The following CNTN3 variants were observed in gnomAD, a reference collection of about 807,000 sequenced individuals.
The protein encoded by CNTN3 is contactin 3, also known as contactin-3.
A neutral mutation model predicts 119.1 loss-of-function variants in CNTN3; 60 were observed. The observed-to-expected ratio is 0.50, with a 90% CI of 0.41 to 0.62. The LOEUF (loss-of-function observed/expected upper bound fraction) is 0.62. Among genes scored for constraint, CNTN3 ranks in the 20% least tolerant of loss-of-function variants. The pLI is 0.00. For synonymous variants in CNTN3, 450 were observed against 438.7 expected, an observed-to-expected ratio of 1.03 and a Z score of -0.32; for missense variants, 1,101 against 1,242.4, an observed-to-expected ratio of 0.89 and a Z score of 1.71.
chr3:74,582,888 G>T (rs1704537151), intron 1 of CNTN3, among the ~76,000 whole-genome samples: 1 of 151,734 alleles, frequency 6.6e-6, no homozygotes, highest in Admixed American at 6.6e-5. Context: ...CAAATGACCT[G>T]AACACAAATG....
intron 4 of CNTN3, among the ~76,000 whole-genome samples, chr3:74,463,920 A>G (rs1702415729): frequency 6.6e-6 from 1 of 152,166 alleles, no homozygotes; most frequent in Admixed American, 6.6e-5. Flanking sequence ...GAGCATATGT[A>G]TCTGTTTTTA....
chr3:74,509,337 G>A (rs2107100247), intron 2 of CNTN3, among the ~76,000 whole-genome samples: 1 of 142,612 alleles, frequency 7.0e-6, no homozygotes, highest in East Asian at 2.2e-4. Context: ...TTTTTGACAT[G>A]GGGTCTCGCT....
chr3:74,491,987 C>T (rs2107059527), intron 3 of CNTN3, among the ~76,000 whole-genome samples: 1 of 152,256 alleles, frequency 6.6e-6, no homozygotes, highest in African/African-American at 2.4e-5. Context: ...CCCAGCATTT[C>T]AATCATATAA....
intron 4 of CNTN3, among the ~76,000 whole-genome samples, chr3:74,479,157 A>G (rs887091919): frequency 1.3e-5 from 2 of 152,080 alleles, no homozygotes; most frequent in African/African-American, 2.4e-5. Context: ...TGTGTGAAAT[A>G]GGAAACAGAG....
At chr3:74,534,452 A>T (rs1703734476) in intron 1 of CNTN3, among the ~76,000 whole-genome samples, 1 of 152,036 alleles carries the variant, frequency 6.6e-6, no homozygotes, top group Non-Finnish European at 1.5e-5. Flanking sequence ...AATCTTAAAG[A>T]ACTATTTTTA....
intron 5 of CNTN3, among the ~76,000 whole-genome samples, chr3:74,375,581 G>A (rs1054109043): frequency 6.6e-6 from 1 of 152,110 alleles, no homozygotes; most frequent in Admixed American, 6.6e-5. Flanking sequence ...ATAAGAGAGA[G>A]GCAGGAGGGT....
intron 5 of CNTN3, among the ~76,000 whole-genome samples, chr3:74,382,778 A>T (rs1704653815): frequency 6.6e-6 from 1 of 152,356 alleles, no homozygotes; most frequent in Middle Eastern, 3.4e-3. Context: ...ATTGATGGAC[A>T]CTTAGGCTGA....
At chr3:74,461,997 G>A (rs888921932) in intron 4 of CNTN3, among the ~76,000 whole-genome samples, 2 of 152,032 alleles carry the variant, frequency 1.3e-5, no homozygotes, top group African/African-American at 4.8e-5. Flanking sequence ...GGCCTGGTGG[G>A]AGTTGACTAT....
chr3:74,448,991 T>C (rs1702098138), intron 4 of CNTN3, among the ~76,000 whole-genome samples: 1 of 152,054 alleles, frequency 6.6e-6, no homozygotes, highest in Admixed American at 6.6e-5. Context: ...TCAGGACACT[T>C]CCCAGCTGCT....
At chr3:74,343,005 T>C (rs2106728671) in intron 11 of CNTN3, among the ~76,000 whole-genome samples, 1 of 152,232 alleles carries the variant, frequency 6.6e-6, no homozygotes, top group Admixed American at 6.5e-5. Context: ...AAAAGAAAAC[T>C]TCAAAGGGGA....
At chr3:74,434,553 T>A (rs1701835915) in intron 4 of CNTN3, among the ~76,000 whole-genome samples, 1 of 152,148 alleles carries the variant, frequency 6.6e-6, no homozygotes, top group South Asian at 2.1e-4. Context: ...TGGGTTGAAG[T>A]CAAGTCTTTG....
At chr3:74,526,924 G>A (rs1703628585) in intron 1 of CNTN3, among the ~76,000 whole-genome samples, 1 of 151,624 alleles carries the variant, frequency 6.6e-6, no homozygotes, top group Non-Finnish European at 1.5e-5. Flanking sequence ...CATAGGTTAA[G>A]GTCCCTTTTT....
chr3:74,356,661 C>T (rs1419720484), intron 11 of CNTN3, among the ~76,000 whole-genome samples: 2 of 152,008 alleles, frequency 1.3e-5, no homozygotes, highest in Non-Finnish European at 2.9e-5. Context: ...AATGTAAGAG[C>T]CCAGGAATCA....
chr3:74,425,059 T>A, intron 4 of CNTN3, 119 bp from the exon 5 acceptor site: 2 of 642,868 alleles, frequency 3.1e-6, no homozygotes, highest in Non-Finnish European at 5.4e-6. Context: ...TCTTTAAAAA[T>A]TTTTATTTTT....
chr3:74,527,090 A>T (rs1053984119), intron 1 of CNTN3, among the ~76,000 whole-genome samples: 2 of 151,860 alleles, frequency 1.3e-5, no homozygotes, highest in African/African-American at 4.8e-5. Context: ...CTATATAGAT[A>T]TGTGTGTTCA....
chr3:74,602,649 G>A lies in CNTN3; in HGVS notation c.-81+11742C>T, dbSNP rs148335121. Among the ~76,000 whole-genome samples the A allele has an allele frequency of 2.1e-4, 32 of 152,164 alleles. No homozygotes were observed. In the East Asian group the frequency reaches 6.2e-3, roughly 30 times the overall value. ...CATAGTTCTTGTTAAGGGTGTGGATGTAATTTATGTACATGTGACTAAGAG... is the reference window on the plus strand; with the variant it reads ...CATAGTTCTTGTTAAGGGTGTGGATATAATTTATGTACATGTGACTAAGAG... On this transcript the variant is annotated intron_variant, in intron 1 of 22. Transcript: ENST00000263665.
intron 13 of CNTN3, 38 bp downstream of exon 13, chr3:74,334,697 T>C (rs1344803010): frequency 3.2e-6 from 5 of 1,563,048 alleles, no homozygotes; most frequent in Admixed American, 1.7e-5. Context: ...CAGAGACACA[T>C]GCAATATAAA....
chr3:74,474,845 A>T (rs1702626045), intron 4 of CNTN3, among the ~76,000 whole-genome samples: 2 of 152,044 alleles, frequency 1.3e-5, no homozygotes, highest in Admixed American at 6.6e-5. Context: ...ACAGTGAGTG[A>T]GTTTTGCTGA....
intron 5 of CNTN3, among the ~76,000 whole-genome samples, chr3:74,415,175 A>C (rs576860309): frequency 6.6e-6 from 1 of 152,240 alleles, no homozygotes; most frequent in East Asian, 1.9e-4. Flanking sequence ...AGTGAGAAAG[A>C]ATGATTTTCT....
Sources: gnomAD v4.1 joint callset for allele counts (sites outside exome capture counted in the v4.1 genomes callset) on GRCh38, gnomAD v4.1.1 for gene constraint, MANE v1.5 for transcripts, NCBI Gene and HGNC (gene_info 2026-07-23, HGNC 2026-07-21) for gene names.